KATNAL2: variants seen among roughly 807,000 people sequenced by gnomAD.
KATNAL2 encodes katanin catalytic subunit A1 like 2.
A neutral mutation model predicts 76.3 loss-of-function variants in KATNAL2; 52 were observed. That is an observed-to-expected ratio of 0.68 (90% CI 0.55 to 0.86). The LOEUF is 0.86. KATNAL2 is among the 40% of genes least tolerant of loss of function. The pLI, the probability that KATNAL2 is intolerant of heterozygous loss-of-function variation, is 0.00. For missense variants in KATNAL2, 660 were observed against 668.9 expected, an observed-to-expected ratio of 0.99 and a Z score of 0.15; for synonymous variants, 243 against 244.2, an observed-to-expected ratio of 1.00 and a Z score of 0.05.
At chr18:46,928,523 C>T (rs1163300819) in intron 1 of KATNAL2, among the ~76,000 whole-genome samples, 1 of 152,092 alleles carries the variant, frequency 6.6e-6, no homozygotes, top group Admixed American at 6.5e-5. Context: ...TTAGGCTACT[C>T]GGGGGTCAGG....
intron 15 of KATNAL2, chr18:47,084,275 G>A (rs570446804): frequency 1.4e-6 from 1 of 698,790 alleles, no homozygotes; most frequent in East Asian, 2.7e-5. Flanking sequence ...CATTGCTATA[G>A]CAATGCATGC....
intron 10 of KATNAL2, 133 bp from the exon 11 acceptor site, chr18:47,066,888 T>TATATATATATATATATAACACAC (rs11281082): frequency 1.3e-4 from 10 of 75,828 alleles, no homozygotes; most frequent in East Asian, 3.2e-4. Flanking sequence ...TATATATATA[T>TATATATATATATATATAACACAC]ATATAATATG....
At chr18:46,928,009 A>G (rs1207225106) in intron 1 of KATNAL2, among the ~76,000 whole-genome samples, 1 of 151,846 alleles carries the variant, frequency 6.6e-6, no homozygotes, top group African/African-American at 2.4e-5. Context: ...AAAGCTTTTA[A>G]CTTCTTTGCC....
At chr18:46,965,593 C>CT (rs2060103371) in intron 3 of KATNAL2, among the ~76,000 whole-genome samples, 1 of 101,416 alleles carries the variant, frequency 9.9e-6, no homozygotes, top group African/African-American at 4.0e-5. Flanking sequence ...CCCCCCCCCC[C>CT]CGCCCCCAAC....
At chr18:47,038,648 T>TA in intron 3 of KATNAL2, among the ~76,000 whole-genome samples, 1 of 152,300 alleles carries the variant, frequency 6.6e-6, no homozygotes, top group African/African-American at 2.4e-5. Flanking sequence ...GTATCTGAAA[T>TA]ACAATATTCT....
chr18:47,070,254 G>A (rs943748602), intron 13 of KATNAL2, among the ~76,000 whole-genome samples: 15 of 151,632 alleles, frequency 9.9e-5, no homozygotes, highest in Admixed American at 3.3e-4. Flanking sequence ...CTGCCACCAC[G>A]CCCAGCTAAT....
intron 6 of KATNAL2, among the ~76,000 whole-genome samples, chr18:47,057,392 T>G (rs2061502479): frequency 6.6e-6 from 1 of 152,208 alleles, no homozygotes; most frequent in Non-Finnish European, 1.5e-5. Context: ...GAATTTTATA[T>G]CTAATTATGA....
chr18:46,946,691 A>G (rs2059389125), intron 2 of KATNAL2, 145 bp downstream of exon 2: 3 of 1,032,934 alleles, frequency 2.9e-6, no homozygotes, highest in South Asian at 1.7e-5. Flanking sequence ...TTAAACATGC[A>G]TGGTCTAACA....
chr18:47,033,140 G>A (rs1249702802), intron 3 of KATNAL2: 6 of 1,614,068 alleles, frequency 3.7e-6, no homozygotes, highest in Admixed American at 1.7e-5. Context: ...GGGTTGGCCC[G>A]CTTCTCAGGG....
chr18:46,953,821 A>C (rs781247969), intron 3 of KATNAL2, among the ~76,000 whole-genome samples: 31 of 152,024 alleles, frequency 2.0e-4, no homozygotes, highest in Non-Finnish European at 4.3e-4. Flanking sequence ...GTTTTAGAGG[A>C]GGCTTGTCTC....
intron 15 of KATNAL2, among the ~76,000 whole-genome samples, chr18:47,090,736 A>T (rs2062966211): frequency 1.3e-5 from 2 of 152,196 alleles, no homozygotes; most frequent in African/African-American, 4.8e-5. Flanking sequence ...GTTCCACATA[A>T]GGAAAATGGC....
At chr18:46,938,817 G>A (rs1286802813) in intron 1 of KATNAL2, among the ~76,000 whole-genome samples, 2 of 151,998 alleles carry the variant, frequency 1.3e-5, no homozygotes, top group African/African-American at 2.4e-5. Context: ...TTCACTTAGT[G>A]TCACTATCCT....
At chr18:47,035,610 C>G in intron 3 of KATNAL2, 1 of 499,334 alleles carries the variant, frequency 2.0e-6, no homozygotes, top group Non-Finnish European at 3.7e-6. Flanking sequence ...CGGCTCTAGC[C>G]CTGACCCTCT....
intron 1 of KATNAL2, among the ~76,000 whole-genome samples, chr18:46,928,714 C>A (rs921330971): frequency 2.6e-5 from 4 of 152,270 alleles, no homozygotes; most frequent in East Asian, 1.9e-4. Flanking sequence ...CCCCCTGATA[C>A]GGAACATTTT....
At chr18:47,082,494 AAAAT>A (rs538177058) in intron 15 of KATNAL2, among the ~76,000 whole-genome samples, 136 of 152,156 alleles carry the variant, frequency 8.9e-4, no homozygotes, top group Non-Finnish European at 1.4e-3. Context: ...TTAAAAAAAT[AAAAT>A]AAAATAACTG....
chr18:47,100,744 T>G lies in KATNAL2; in HGVS notation c.1478-122T>G, dbSNP rs2063422450. 1.9e-5 allele frequency: 23 copies of G among 1,214,820 alleles called. No individual in the cohort carries two copies. In the South Asian group the frequency reaches 3.1e-4, roughly 16 times the overall value. 75.3% of individuals were successfully genotyped at this position (1,214,820 alleles called of 1,614,324 possible). A position where few individuals can be genotyped will look rare whatever the true frequency, so the allele number is the denominator to read the frequency against. On this transcript the variant is annotated intron_variant, in intron 17 of 17. Coordinates refer to ENST00000683218, the MANE Select transcript of KATNAL2 (RefSeq NM_001387690.1). ...AGCCCTCTTTAGTCTTGCCTTTTGC[T>G]GCATTAACAATTAAGAATGCTGCAT...
intron 1 of KATNAL2, among the ~76,000 whole-genome samples, chr18:46,932,535 A>G (rs2146563185): frequency 6.6e-6 from 1 of 151,464 alleles, no homozygotes; most frequent in East Asian, 2.0e-4. Flanking sequence ...ACTAGTTGGC[A>G]TGGTGCTGTG....
At chr18:47,064,444 T>C (rs1244273848) in intron 10 of KATNAL2, among the ~76,000 whole-genome samples, 3 of 152,058 alleles carry the variant, frequency 2.0e-5, no homozygotes, top group Admixed American at 6.6e-5. Context: ...GGAAGGGTGC[T>C]GTGAGCAGTA....
intron 7 of KATNAL2, among the ~76,000 whole-genome samples, chr18:47,059,188 G>T (rs1408867986): frequency 6.6e-6 from 1 of 152,192 alleles, no homozygotes; most frequent in Non-Finnish European, 1.5e-5. Context: ...TGGGAGGCTA[G>T]TTGACTCTGC....
Sources: gnomAD v4.1 joint callset for allele counts (sites outside exome capture counted in the v4.1 genomes callset) on GRCh38, gnomAD v4.1.1 for gene constraint, MANE v1.5 for transcripts, NCBI Gene and HGNC (gene_info 2026-07-23, HGNC 2026-07-21) for gene names.